Variants in LUZP2 observed in about 807,000 individuals in gnomAD.
LUZP2 encodes the protein leucine zipper protein 2.
Under a neutral mutation model 51.6 loss-of-function variants are expected in LUZP2, and 52 were observed. That is an observed-to-expected ratio of 1.01 (90% CI 0.81 to 1.27). LUZP2 has a LOEUF of 1.27. Among genes scored for constraint, LUZP2 ranks in the 50% most tolerant of loss-of-function variants. The probability of loss-of-function intolerance (pLI) is 0.00; values close to 1 mark genes in which losing one functional copy is unlikely to be tolerated. For missense variants in LUZP2, 436 were observed against 395.4 expected (o/e 1.10, Z -0.87); for synonymous variants, 154 against 137.3 (o/e 1.12, Z -0.85).
At chr11:24,704,465 C>T (rs1590372208) in intron 1 of LUZP2, among the ~76,000 whole-genome samples, 1 of 149,914 alleles carries the variant, frequency 6.7e-6, no homozygotes, top group African/African-American at 2.5e-5. Context: ...AACAGGATTA[C>T]GGAGGAGTAA....
chr11:24,515,188 A>G (rs1850426260), intron 1 of LUZP2, among the ~76,000 whole-genome samples: 1 of 152,170 alleles, frequency 6.6e-6, no homozygotes, highest in Non-Finnish European at 1.5e-5. Flanking sequence ...TGTTATTTTT[A>G]TTTTTTCCTG....
intron 1 of LUZP2, among the ~76,000 whole-genome samples, chr11:24,679,279 A>G (rs117755402): frequency 0.026 from 3,916 of 152,276 alleles, 65 homozygotes; most frequent in Middle Eastern, 0.058. Context: ...ATTTTTCATG[A>G]CATGTTAGGT....
chr11:24,534,694 T>C (rs903436577), intron 1 of LUZP2, among the ~76,000 whole-genome samples: 36 of 151,436 alleles, frequency 2.4e-4, no homozygotes, highest in Non-Finnish European at 4.0e-4. Context: ...AGCAGACTTA[T>C]CAAAAGGAGA....
At chr11:24,623,955 A>T (rs1854593030) in intron 1 of LUZP2, among the ~76,000 whole-genome samples, 1 of 152,210 alleles carries the variant, frequency 6.6e-6, no homozygotes, top group Admixed American at 6.5e-5. Flanking sequence ...GATGATAGAG[A>T]CAAATTCATC....
chr11:24,513,490 T>A (rs540182826), intron 1 of LUZP2, among the ~76,000 whole-genome samples: 6 of 152,328 alleles, frequency 3.9e-5, no homozygotes, highest in African/African-American at 9.6e-5. Flanking sequence ...ATGAAAACAT[T>A]AAAATATCAA....
intron 1 of LUZP2, among the ~76,000 whole-genome samples, chr11:24,722,870 T>C (rs372942164): frequency 6.6e-6 from 1 of 151,462 alleles, no homozygotes; most frequent in Non-Finnish European, 1.5e-5. Context: ...TGAGCCGATA[T>C]CATGCCACTG....
At chr11:24,601,895 T>TA (rs397940036) in intron 1 of LUZP2, among the ~76,000 whole-genome samples, 2 of 59,424 alleles carry the variant, frequency 3.4e-5, no homozygotes, top group East Asian at 6.4e-4. Flanking sequence ...TATGTATATA[T>TA]GTATATATGT....
intron 7 of LUZP2, among the ~76,000 whole-genome samples, chr11:24,952,391 A>G (rs1855102650): frequency 6.6e-6 from 1 of 151,776 alleles, no homozygotes; most frequent in African/African-American, 2.4e-5. Flanking sequence ...TATTGAAGTG[A>G]ATGGGATAAG....
chr11:24,774,362 C>CTCTCTCTCTCTA (rs776739280), intron 5 of LUZP2, among the ~76,000 whole-genome samples: 1,246 of 76,056 alleles, frequency 0.016, 21 homozygotes, highest in Non-Finnish European at 0.02. Flanking sequence ...CTCTCTCTCT[C>CTCTCTCTCTCTA]TATATATATA....
chr11:24,960,582 C>T (rs552556058), intron 7 of LUZP2, among the ~76,000 whole-genome samples: 168 of 152,072 alleles, frequency 1.1e-3, no homozygotes, highest in Non-Finnish European at 1.8e-3. Context: ...TCTGTGGGAT[C>T]GGTGGTGATA....
At chr11:24,810,373 C>T (rs572793223) in intron 5 of LUZP2, among the ~76,000 whole-genome samples, 1 of 152,190 alleles carries the variant, frequency 6.6e-6, no homozygotes, top group African/African-American at 2.4e-5. Context: ...ACATATGGCT[C>T]AACCTAATTG....
intron 5 of LUZP2, among the ~76,000 whole-genome samples, chr11:24,829,450 T>C (rs1456343205): frequency 6.6e-6 from 1 of 152,128 alleles, no homozygotes; most frequent in Non-Finnish European, 1.5e-5. Context: ...ATTTAGTATT[T>C]TGAAATTGCT....
At chr11:24,644,743 G>T (rs1302971367) in intron 1 of LUZP2, among the ~76,000 whole-genome samples, 1 of 152,106 alleles carries the variant, frequency 6.6e-6, no homozygotes, top group African/African-American at 2.4e-5. Context: ...GAAGGCAACA[G>T]ACTTCTTAAC....
chr11:24,610,640 T>C (rs1240940631), intron 1 of LUZP2, among the ~76,000 whole-genome samples: 1 of 152,150 alleles, frequency 6.6e-6, no homozygotes, highest in Admixed American at 6.6e-5. Flanking sequence ...ACTTTTCTAT[T>C]TTCATAATTT....
chr11:24,962,319 T>C (rs1165539805), intron 7 of LUZP2, among the ~76,000 whole-genome samples: 1 of 152,246 alleles, frequency 6.6e-6, no homozygotes, highest in East Asian at 1.9e-4. Context: ...CCTGCCTTGC[T>C]AGATTGGGGA....
intron 7 of LUZP2, among the ~76,000 whole-genome samples, chr11:24,972,149 A>AAAAC (rs1554948098): frequency 3.3e-5 from 5 of 150,150 alleles, no homozygotes; most frequent in Non-Finnish European, 7.4e-5. Context: ...GAAAAAAAAA[A>AAAAC]AAAAAAAAAA....
chr11:25,023,482 G>A (rs1857398437), intron 9 of LUZP2, among the ~76,000 whole-genome samples: 1 of 152,096 alleles, frequency 6.6e-6, no homozygotes, highest in African/African-American at 2.4e-5. Flanking sequence ...TGGGATCAGT[G>A]TTGATATCCC....
chr11:25,028,559 G>A (rs4923229), intron 9 of LUZP2, among the ~76,000 whole-genome samples: 71,782 of 151,978 alleles, frequency 0.47, 17,433 homozygotes, highest in Non-Finnish European at 0.51. Context: ...ATCTTTGCAC[G>A]TTCTCATTTA....
At chr11:24,964,734 A>T (rs1273955403) in intron 7 of LUZP2, among the ~76,000 whole-genome samples, 1 of 152,082 alleles carries the variant, frequency 6.6e-6, no homozygotes, top group Non-Finnish European at 1.5e-5. Context: ...TTTTGTCCTT[A>T]TGAAATCAAT....
Sources: gnomAD v4.1 joint callset for allele counts (sites outside exome capture counted in the v4.1 genomes callset) on GRCh38, gnomAD v4.1.1 for gene constraint, MANE v1.5 for transcripts, NCBI Gene and HGNC (gene_info 2026-07-23, HGNC 2026-07-21) for gene names.